Variants in SPATA31H1 observed in about 807,000 individuals in gnomAD.
SPATA31H1 encodes spermatogenesis-associated protein 31H1.
At chr2:27,555,633 C>T in the SPATA31H1 span, among the ~76,000 whole-genome samples, 1 of 151,754 alleles carries the variant, frequency 6.6e-6, no homozygotes, top group Non-Finnish European at 1.5e-5. Context: ...ATGATTGTGT[C>T]ACCGCACTGC....
chr2:27,560,989 G>A, the SPATA31H1 span, among the ~76,000 whole-genome samples: 2 of 152,176 alleles, frequency 1.3e-5, no homozygotes, highest in Non-Finnish European at 2.9e-5. Context: ...TTAGGAGTGA[G>A]TGGTAGATTT....
chr2:27,558,936 A>G, the SPATA31H1 span, among the ~76,000 whole-genome samples: 14 of 122,886 alleles, frequency 1.1e-4, no homozygotes, highest in East Asian at 2.7e-4. Flanking sequence ...AGGGAGAGGG[A>G]GAGGGAGAGG....
At chr2:27,543,940 T>A in the SPATA31H1 span, among the ~76,000 whole-genome samples, 1 of 151,998 alleles carries the variant, frequency 6.6e-6, no homozygotes, top group Non-Finnish European at 1.5e-5. Flanking sequence ...TATTGACGGT[T>A]GTTTTTTAGG....
the SPATA31H1 span, among the ~76,000 whole-genome samples, chr2:27,541,851 A>G: frequency 6.6e-6 from 1 of 151,930 alleles, no homozygotes; most frequent in Non-Finnish European, 1.5e-5. Flanking sequence ...GCTCACTGCA[A>G]CCTCAACCTC....
chr2:27,582,468 G>A, the SPATA31H1 span: 2 of 1,613,608 alleles, frequency 1.2e-6, no homozygotes, highest in Non-Finnish European at 1.7e-6. Flanking sequence ...AACTCTCCTC[G>A]GGACCACACA....
the SPATA31H1 span, chr2:27,572,187 C>T: frequency 7.5e-6 from 3 of 398,300 alleles, no homozygotes; most frequent in Non-Finnish European, 1.3e-5. Context: ...CAAACATGAA[C>T]CACAGTTGCA....
chr2:27,581,399 G>A, the SPATA31H1 span: 37 of 1,612,518 alleles, frequency 2.3e-5, no homozygotes, highest in South Asian at 6.6e-5. Flanking sequence ...GGCGCAGTCC[G>A]TCTCAGAGAA....
At chr2:27,538,077 C>G in the SPATA31H1 span, among the ~76,000 whole-genome samples, 2 of 152,190 alleles carry the variant, frequency 1.3e-5, no homozygotes, top group Non-Finnish European at 2.9e-5. Flanking sequence ...GAGATGTCAC[C>G]AATCTGGATG....
the SPATA31H1 span, chr2:27,581,200 G>A: frequency 1.2e-6 from 2 of 1,614,192 alleles, no homozygotes; most frequent in Non-Finnish European, 1.7e-6. Flanking sequence ...AACCACCCCA[G>A]CTTCTATAGG....
chr2:27,555,649 G>C, the SPATA31H1 span, among the ~76,000 whole-genome samples: 1 of 151,710 alleles, frequency 6.6e-6, no homozygotes, highest in Admixed American at 6.6e-5. Context: ...ACTGCAGTGC[G>C]GTGCAGTTTC....
chr2:27,550,593 AT>A, the SPATA31H1 span, among the ~76,000 whole-genome samples: 1 of 151,048 alleles, frequency 6.6e-6, no homozygotes, highest in Non-Finnish European at 1.5e-5. Context: ...TAATTTTTGT[AT>A]TTTTAGTAGA....
chr2:27,581,800 A>C, the SPATA31H1 span: 1 of 1,580,854 alleles, frequency 6.3e-7, no homozygotes. Context: ...AGAAGCCATC[A>C]CAGTCCCTCT....
At chr2:27,550,279 T>C in the SPATA31H1 span, among the ~76,000 whole-genome samples, 2 of 151,596 alleles carry the variant, frequency 1.3e-5, no homozygotes, top group Admixed American at 1.3e-4. Context: ...ATGTGTAATG[T>C]TTGCTATATA....
chr2:27,547,756 T>G, the SPATA31H1 span, among the ~76,000 whole-genome samples: 1 of 151,908 alleles, frequency 6.6e-6, no homozygotes, highest in African/African-American at 2.4e-5. Context: ...ACTTTTTCAT[T>G]TTTATTAAGA....
At chr2:27,568,099 T>TAACTCC in the SPATA31H1 span, 1 of 399,006 alleles carries the variant, frequency 2.5e-6, no homozygotes. Context: ...AATAAGAAAG[T>TAACTCC]AACTCCTGTA....
the SPATA31H1 span, among the ~76,000 whole-genome samples, chr2:27,551,061 T>C: frequency 6.6e-6 from 1 of 151,846 alleles, no homozygotes; most frequent in Non-Finnish European, 1.5e-5. Flanking sequence ...GCTAAGTTTT[T>C]GTATTTTTAG....
the SPATA31H1 span, among the ~76,000 whole-genome samples, chr2:27,539,123 TTTTA>T: frequency 1.7e-5 from 2 of 117,266 alleles, no homozygotes; most frequent in African/African-American, 7.3e-5. Context: ...TTTTTTTTTT[TTTTA>T]ATTGATCATT....
chr2:27,580,277 A>T, the SPATA31H1 span: 1 of 1,614,214 alleles, frequency 6.2e-7, no homozygotes, highest in Non-Finnish European at 8.5e-7. Flanking sequence ...TCAGGCGAGG[A>T]CAACGCAGCA....
At chr2:27,569,506 C>G in the SPATA31H1 span, 2 of 398,774 alleles carry the variant, frequency 5.0e-6, no homozygotes, top group African/African-American at 4.1e-5. Flanking sequence ...ATGGAGTTAA[C>G]CAGTGAGTCA....
Sources: allele counts gnomAD v4.1 joint callset (sites outside exome capture counted in the v4.1 genomes callset), GRCh38; gene constraint gnomAD v4.1.1; transcripts MANE v1.5; gene names NCBI Gene and HGNC (gene_info 2026-07-23, HGNC 2026-07-21).